The following PCDHGB1 variants were observed in gnomAD, a reference collection of about 807,000 sequenced individuals.
The protein encoded by PCDHGB1 is protocadherin gamma-B1.
Under a neutral mutation model 56.6 loss-of-function variants are expected in PCDHGB1, and 34 were observed. That is an observed-to-expected ratio of 0.60 (90% CI 0.46 to 0.80). The LOEUF (loss-of-function observed/expected upper bound fraction) is 0.80, where lower values mean the gene tolerates loss of function less well. Among genes scored for constraint, PCDHGB1 ranks in the 30% least tolerant of loss-of-function variants. The probability of loss-of-function intolerance (pLI) is 0.00; values close to 1 mark genes in which losing one functional copy is unlikely to be tolerated. For missense variants in PCDHGB1, 1,278 were observed against 1,204.6 expected, an observed-to-expected ratio of 1.06 and a Z score of -0.90; for synonymous variants, 561 against 505.9, an observed-to-expected ratio of 1.11 and a Z score of -1.46.
intron 1 of PCDHGB1, among the ~76,000 whole-genome samples, chr5:141,468,921 G>A (rs1254189500): frequency 6.6e-6 from 1 of 151,342 alleles, no homozygotes; most frequent in African/African-American, 2.4e-5. Context: ...GAAGAGAATA[G>A]CACTAAAATG....
intron 1 of PCDHGB1, chr5:141,409,624 G>A (rs747166507): frequency 2.5e-6 from 4 of 1,613,846 alleles, no homozygotes; most frequent in Non-Finnish European, 3.4e-6. Flanking sequence ...TTGCGCAAGT[G>A]AGCGCCTCTG....
In PCDHGB1 at chr5:141,493,811, A is replaced by T. The variant is rs956872917; in HGVS notation, c.2410-996A>T. Reference sequence around the variant, plus strand: ...CTCCCTGGAGTAATCTGAGATACTCACACTCTCTGCTTCTGGGAGCAAGTA... The same window carrying T: ...CTCCCTGGAGTAATCTGAGATACTCTCACTCTCTGCTTCTGGGAGCAAGTA... On this transcript the variant is annotated intron_variant, in intron 1 of 3. Transcript: ENST00000523390. The surrounding 1 kb of genome is among the most constrained non-coding windows in gnomAD (Gnocchi z 4.3). Among the ~76,000 whole-genome samples the T allele has an allele frequency of 1.3e-5, 2 of 152,154 alleles. No homozygotes were observed. The highest frequency in any genetic ancestry group is 2.9e-5 in the Non-Finnish European group (2 of 68,036).
Position 141,438,619 on chromosome 5 carries a change from T to C in PCDHGB1, c.2410-56188T>C, listed in dbSNP as rs1053855444. Reference sequence around the variant, plus strand: ...ATATATATATATATATATATATATATATATATATATATATATACACACACA... The same window carrying C: ...ATATATATATATATATATATATATACATATATATATATATATACACACACA... On this transcript the variant is annotated intron_variant, in intron 1 of 3. Transcript: ENST00000523390. 1.0e-4 allele frequency among the ~76,000 whole-genome samples: 4 copies of C among 39,678 alleles called. No homozygotes were observed. The East Asian group carries it at 2.5e-3, about 25-fold the overall frequency. The allele number at this position is 39,678 out of a possible 152,430, so 26.0% of individuals were successfully genotyped here.
intron 1 of PCDHGB1, chr5:141,407,957 G>C (rs1166490050): frequency 1.5e-6 from 1 of 660,376 alleles, no homozygotes; most frequent in African/African-American, 1.8e-5. Flanking sequence ...GGCCAGTGCA[G>C]AGCAAGCGCT....
chr5:141,435,890 A>G (rs2097784923), intron 1 of PCDHGB1, among the ~76,000 whole-genome samples: 1 of 152,176 alleles, frequency 6.6e-6, no homozygotes, highest in Non-Finnish European at 1.5e-5. Context: ...AACCCCTTAG[A>G]GAATGAAAGA....
intron 1 of PCDHGB1, chr5:141,408,786 C>A: frequency 6.2e-7 from 1 of 1,612,430 alleles, no homozygotes; most frequent in Non-Finnish European, 8.5e-7. Flanking sequence ...CCAGAGTTAT[C>A]TCTGGAGAAA....
At chr5:141,393,821 G>T (rs2240700) in intron 1 of PCDHGB1, 228,339 of 1,613,716 alleles carry the variant, frequency 0.14, 18,414 homozygotes, top group African/African-American at 0.32. Context: ...TGCTCATTTC[G>T]GTGGAAGATG....
intron 1 of PCDHGB1, chr5:141,427,752 G>A (rs1171502843): frequency 4.5e-6 from 6 of 1,319,552 alleles, no homozygotes; most frequent in South Asian, 1.2e-5. Context: ...CTACTCCATC[G>A]TTACCACTGA....
At chr5:141,465,779 G>A (rs1199779963) in intron 1 of PCDHGB1, among the ~76,000 whole-genome samples, 2 of 145,170 alleles carry the variant, frequency 1.4e-5, no homozygotes, top group African/African-American at 5.0e-5. Flanking sequence ...TCTTGTTACA[G>A]TTTTTTTTTT....
chr5:141,362,372 G>C, intron 1 of PCDHGB1: 2 of 1,614,054 alleles, frequency 1.2e-6, no homozygotes, highest in Non-Finnish European at 1.7e-6. Context: ...TACAGTGAGG[G>C]TACATTGCCC....
intron 1 of PCDHGB1, chr5:141,440,868 T>G (rs1288344051): frequency 3.9e-5 from 6 of 152,150 alleles, no homozygotes; most frequent in Non-Finnish European, 1.5e-5. Context: ...ATCTAGGATG[T>G]GTACAGCGTC....
chr5:141,423,610 G>GT, intron 1 of PCDHGB1: 1 of 1,611,424 alleles, frequency 6.2e-7, no homozygotes, highest in African/African-American at 1.3e-5. Context: ...ACTCTTGATA[G>GT]CTGAAGACTC....
chr5:141,387,563 A>C (rs1589038442), intron 1 of PCDHGB1: 1 of 438,342 alleles, frequency 2.3e-6, no homozygotes, highest in East Asian at 3.7e-5. Context: ...TTAGGCACAC[A>C]ATTATAATTA....
In PCDHGB1 at chr5:141,512,470, T is replaced by G. The variant is rs2099884244; in HGVS notation, c.*1297T>G. On this transcript the variant is annotated 3_prime_UTR_variant, in exon 4 of 4. Transcript: ENST00000523390. ...TTCACCTTGCCAGGTGCCGTTTCTC[T>G]TCCGTGAAGGCCACTGCCCAGGTCC... 6.5e-6 allele frequency: 1 copy of G among 152,892 alleles called. No individual in the cohort carries two copies. The highest frequency in any genetic ancestry group is 2.1e-4 in the South Asian group (1 of 4,834). 9.5% of individuals were successfully genotyped at this position (152,892 alleles called of 1,614,324 possible).
Position 141,511,380 on chromosome 5 carries a change from C to G in PCDHGB1, c.*207C>G. The G allele has an allele frequency of 7.7e-6, 9 of 1,170,490 alleles. No individual in the cohort carries two copies. The highest frequency in any genetic ancestry group is 1.1e-5 in the Non-Finnish European group (9 of 854,564). 72.5% of individuals were successfully genotyped at this position (1,170,490 alleles called of 1,614,324 possible). A position where few individuals can be genotyped will look rare whatever the true frequency, so the allele number is the denominator to read the frequency against. On this transcript the variant is annotated 3_prime_UTR_variant, in exon 4 of 4. Transcript: ENST00000523390. ...GGGGTTGAATATGCAAAAGCAGTTC[C>G]GCTGGGAACCCCCATCCAATCAACT...
chr5:141,392,855 C>T (rs756361613), intron 1 of PCDHGB1: 1 of 1,612,176 alleles, frequency 6.2e-7, no homozygotes, highest in Non-Finnish European at 8.5e-7. Flanking sequence ...GCGAGCTGAT[C>T]CTGCTGTGCG....
At chr5:141,376,845 C>A (rs993126177) in intron 1 of PCDHGB1, 21 of 242,440 alleles carry the variant, frequency 8.7e-5, no homozygotes, top group Admixed American at 3.1e-4. Context: ...CGCCACCGCG[C>A]CCGGCTAATT....
At chr5:141,420,006 G>T in intron 1 of PCDHGB1, 1 of 1,614,052 alleles carries the variant, frequency 6.2e-7, no homozygotes, top group Non-Finnish European at 8.5e-7. Flanking sequence ...CTACGCCTGC[G>T]ACAGTCTTTC....
chr5:141,384,012 A>C, intron 1 of PCDHGB1: 1 of 1,613,830 alleles, frequency 6.2e-7, no homozygotes. Flanking sequence ...TTTTCTACCT[A>C]CAAGACAGAG....
Sources: allele counts gnomAD v4.1 joint callset (sites outside exome capture counted in the v4.1 genomes callset), GRCh38; gene constraint gnomAD v4.1.1; non-coding constraint Gnocchi (gnomAD v3.1); transcripts MANE v1.5; gene names NCBI Gene and HGNC (gene_info 2026-07-23, HGNC 2026-07-21).